Variants in ASCC3 observed in about 807,000 individuals in gnomAD.
The protein encoded by ASCC3 is ASC-1 complex subunit P200.
In ASCC3, 158 loss-of-function variants were observed where a neutral mutation model predicts 256.3. The observed-to-expected ratio is 0.62, with a 90% CI of 0.54 to 0.70. ASCC3 has a LOEUF of 0.70. ASCC3 is among the 30% of genes least tolerant of loss of function. The pLI is 0.00. For synonymous variants in ASCC3, 948 were observed against 883.4 expected, an observed-to-expected ratio of 1.07 and a Z score of -1.30; for missense variants, 2,259 against 2,626.0, an observed-to-expected ratio of 0.86 and a Z score of 3.05.
chr6:100,824,183 C>T (rs846801), intron 4 of ASCC3, among the ~76,000 whole-genome samples: 1 of 152,018 alleles, frequency 6.6e-6, no homozygotes, highest in East Asian at 1.9e-4. Flanking sequence ...AATATTATAT[C>T]CAAGTAAAAC....
chr6:100,579,579 C>A (rs957142918), intron 36 of ASCC3, among the ~76,000 whole-genome samples: 1 of 152,042 alleles, frequency 6.6e-6, no homozygotes, highest in Non-Finnish European at 1.5e-5. Flanking sequence ...ATTATCCCAG[C>A]ACCATTTATT....
intron 37 of ASCC3, among the ~76,000 whole-genome samples, chr6:100,520,370 G>C (rs1303509412): frequency 6.6e-6 from 1 of 151,428 alleles, no homozygotes; most frequent in African/African-American, 2.4e-5. Context: ...AGAGCAATAC[G>C]TAACTACTCA....
chr6:100,858,603 C>T lies in ASCC3; in HGVS notation c.241+5461G>A, dbSNP rs528314688. 3.0e-6 allele frequency: 3 copies of T among 986,700 alleles called. No individual in the cohort carries two copies. The African/African-American group carries it at 5.2e-5, about 17-fold the overall frequency. The allele number at this position is 986,700 out of a possible 1,614,324, so 61.1% of individuals were successfully genotyped here. A position where few individuals can be genotyped will look rare whatever the true frequency, so the allele number is the denominator to read the frequency against. The stretch of plus-strand genomic sequence containing the variant: ...CCTTTATTACTTTACAACAAATCAC[C>T]CTATCTTCTCATATTTATTAATCCA... On this transcript the variant is annotated intron_variant, in intron 3 of 41. Coordinates refer to ENST00000369162, the MANE Select transcript of ASCC3 (RefSeq NM_006828.4).
intron 4 of ASCC3, among the ~76,000 whole-genome samples, chr6:100,834,218 C>T (rs760092625): frequency 1.3e-5 from 2 of 152,252 alleles, no homozygotes; most frequent in African/African-American, 4.8e-5. Flanking sequence ...AAATATAAAT[C>T]TCTTTTGGAA....
At chr6:100,601,494 G>C (rs1305602092) in intron 34 of ASCC3, among the ~76,000 whole-genome samples, 1 of 151,916 alleles carries the variant, frequency 6.6e-6, no homozygotes, top group Non-Finnish European at 1.5e-5. Flanking sequence ...AATTCCAACT[G>C]CATCTAAGTC....
chr6:100,789,699 T>C (rs1015368350), intron 8 of ASCC3, among the ~76,000 whole-genome samples: 2 of 152,136 alleles, frequency 1.3e-5, no homozygotes, highest in Middle Eastern at 3.4e-3. Context: ...AAAAATATTT[T>C]GTTTGAACTT....
chr6:100,865,950 T>TTCCATTTATTTATTTA (rs1554249741), intron 2 of ASCC3, among the ~76,000 whole-genome samples: 3 of 129,556 alleles, frequency 2.3e-5, no homozygotes, highest in African/African-American at 8.8e-5. Flanking sequence ...AGATAAATAA[T>TTCCATTTATTTATTTA]TTCATTTATT....
chr6:100,767,775 A>AT (rs71547412), intron 8 of ASCC3, among the ~76,000 whole-genome samples: 60,131 of 143,804 alleles, frequency 0.42, 12,831 homozygotes, highest in South Asian at 0.59. Context: ...TGCCCGGCTA[A>AT]TTTTTTTTTT....
At chr6:100,551,782 G>A (rs1282048309) in intron 36 of ASCC3, among the ~76,000 whole-genome samples, 2 of 151,880 alleles carry the variant, frequency 1.3e-5, no homozygotes, top group Non-Finnish European at 2.9e-5. Flanking sequence ...TAATTAACAG[G>A]TCTAATCAAC....
At chr6:100,860,900 G>C (rs1003833064) in intron 3 of ASCC3, among the ~76,000 whole-genome samples, 1 of 152,072 alleles carries the variant, frequency 6.6e-6, no homozygotes, top group Non-Finnish European at 1.5e-5. Flanking sequence ...AACTCATAAA[G>C]GAGTTTTATG....
intron 36 of ASCC3, among the ~76,000 whole-genome samples, chr6:100,544,171 G>T (rs527869851): frequency 6.6e-6 from 1 of 152,174 alleles, no homozygotes; most frequent in East Asian, 1.9e-4. Flanking sequence ...CATTGGAACA[G>T]TACTTAGGAG....
chr6:100,573,864 C>T (rs564739175), intron 36 of ASCC3, among the ~76,000 whole-genome samples: 4 of 152,148 alleles, frequency 2.6e-5, no homozygotes, highest in South Asian at 2.1e-4. Context: ...ATTGCGTTTG[C>T]GATTTAAAAA....
intron 8 of ASCC3, among the ~76,000 whole-genome samples, chr6:100,774,954 A>G (rs553662543): frequency 6.6e-6 from 1 of 152,228 alleles, no homozygotes; most frequent in Non-Finnish European, 1.5e-5. Context: ...AGGATATTAG[A>G]AAAACACTTA....
chr6:100,683,875 A>C (rs2093067939), intron 13 of ASCC3, among the ~76,000 whole-genome samples: 1 of 152,284 alleles, frequency 6.6e-6, no homozygotes, highest in Admixed American at 6.5e-5. Context: ...AAGTTCACAT[A>C]GAAACAAAAG....
intron 36 of ASCC3, among the ~76,000 whole-genome samples, chr6:100,580,601 C>T (rs1204275970): frequency 6.7e-6 from 1 of 149,860 alleles, no homozygotes; most frequent in African/African-American, 2.5e-5. Flanking sequence ...TATTATTATA[C>T]TTTAAGTTTT....
rs1218812382 is a variant in ASCC3 at position 100,859,248 on chromosome 6, A to AT, written c.241+4815dup. ...TGCCAGGATCACATTTTCTGGGTTAATTTCTGCTTCCACATCTTGGCCCCA... is the reference window on the plus strand; with the variant it reads ...TGCCAGGATCACATTTTCTGGGTTAATTTTCTGCTTCCACATCTTGGCCCCA... On this transcript the variant is annotated intron_variant, in intron 3 of 41. Transcript: ENST00000369162. 3 of 778,812 alleles carry AT rather than the reference A, an allele frequency of 3.9e-6. No homozygotes were observed. In the African/African-American group the frequency reaches 5.1e-5, roughly 13 times the overall value. The allele number at this position is 778,812 out of a possible 1,614,324, so 48.2% of individuals were successfully genotyped here. A position where few individuals can be genotyped will look rare whatever the true frequency, so the allele number is the denominator to read the frequency against.
At chr6:100,559,037 A>C (rs930550272) in intron 36 of ASCC3, among the ~76,000 whole-genome samples, 16 of 152,174 alleles carry the variant, frequency 1.1e-4, no homozygotes, top group Non-Finnish European at 1.0e-4. Context: ...TCTGAAACTT[A>C]ATAAAGGTTT....
At chr6:100,509,833 A>G in intron 41 of ASCC3, 99 bp downstream of exon 41, 1 of 1,230,438 alleles carries the variant, frequency 8.1e-7, no homozygotes, top group South Asian at 1.3e-5. Context: ...GCTTGCAGTG[A>G]GCAGAGATCG....
intron 20 of ASCC3, among the ~76,000 whole-genome samples, 167 bp downstream of exon 20, chr6:100,650,371 G>T (rs192813637): frequency 6.6e-6 from 1 of 151,680 alleles, no homozygotes; most frequent in African/African-American, 2.4e-5. Context: ...TGTTTTATGA[G>T]CATAGATTAC....
Sources: allele counts gnomAD v4.1 joint callset (sites outside exome capture counted in the v4.1 genomes callset), GRCh38; gene constraint gnomAD v4.1.1; transcripts MANE v1.5; gene names NCBI Gene and HGNC (gene_info 2026-07-23, HGNC 2026-07-21).